Variants in NFIB observed in about 807,000 individuals in gnomAD.
The protein encoded by NFIB is nuclear factor 1 B-type.
NFIB carries 11 observed loss-of-function variants against 61.5 expected under a neutral mutation model. That is an observed-to-expected ratio of 0.18 (90% CI 0.11 to 0.30). The LOEUF is 0.30. Among genes scored for constraint, NFIB ranks in the 10% least tolerant of loss-of-function variants. NFIB has a pLI of 1.00. For missense variants in NFIB, 471 were observed against 608.9 expected, an observed-to-expected ratio of 0.77 and a Z score of 2.38; for synonymous variants, 260 against 216.5, an observed-to-expected ratio of 1.20 and a Z score of -1.76.
At chr9:14,432,485 T>G in the NFIB span, among the ~76,000 whole-genome samples, 1 of 152,264 alleles carries the variant, frequency 6.6e-6, no homozygotes, top group African/African-American at 2.4e-5. Context: ...ATCTCCTTCT[T>G]CAAATGAGAA....
chr9:14,314,967 G>A (rs1440596308), upstream of NFIB, among the ~76,000 whole-genome samples: 3 of 151,924 alleles, frequency 2.0e-5, no homozygotes, highest in African/African-American at 7.3e-5. Flanking sequence ...GCCCGAGAAA[G>A]GAACGAGTGG....
Position 14,111,407 on chromosome 9 carries a change from A to T in NFIB, c.1467+1592T>A, listed in dbSNP as rs2037358236. 3.3e-5 allele frequency among the ~76,000 whole-genome samples: 5 copies of T among 152,164 alleles called. No individual in the cohort carries two copies. The South Asian group carries it at 1.0e-3, about 31-fold the overall frequency. ...AATTGGTCAGAGTATTCTAACTAGC[A>T]TTTGGGGCTAAAGGTTTAAATAATG... On this transcript the variant is annotated intron_variant, in intron 10 of 10. Transcript: ENST00000380953.
At chr9:14,092,486 A>T (rs1027578317) in intron 10 of NFIB, among the ~76,000 whole-genome samples, 2 of 152,100 alleles carry the variant, frequency 1.3e-5, no homozygotes, top group East Asian at 3.9e-4. Context: ...CTCAGTTATG[A>T]CTCAGATCTG....
At chr9:14,294,981 T>C (rs17213362) in intron 2 of NFIB, among the ~76,000 whole-genome samples, 2 of 152,044 alleles carry the variant, frequency 1.3e-5, no homozygotes, top group East Asian at 1.9e-4. Context: ...CAACCAGAGC[T>C]ACTGAAGTCA....
At chr9:14,205,337 A>G (rs987139693) in intron 2 of NFIB, among the ~76,000 whole-genome samples, 2 of 146,560 alleles carry the variant, frequency 1.4e-5, no homozygotes, top group African/African-American at 2.5e-5. Context: ...TGATGGAGAC[A>G]CTGCATGGAA....
intron 10 of NFIB, among the ~76,000 whole-genome samples, chr9:14,092,617 C>T (rs2034107753): frequency 6.6e-6 from 1 of 152,060 alleles, no homozygotes; most frequent in African/African-American, 2.4e-5. Flanking sequence ...CTTCAGGAGA[C>T]AGTGAACTTT....
chr9:14,094,879 A>G (rs1475099883), intron 10 of NFIB, among the ~76,000 whole-genome samples: 1 of 152,120 alleles, frequency 6.6e-6, no homozygotes, highest in Non-Finnish European at 1.5e-5. Context: ...TTTATATTCA[A>G]TTGATTCAGA....
chr9:14,131,500 A>T (rs550575394), intron 6 of NFIB, among the ~76,000 whole-genome samples: 1 of 152,320 alleles, frequency 6.6e-6, no homozygotes, highest in East Asian at 1.9e-4. Flanking sequence ...TTCATCTACA[A>T]AGGAAGAGAG....
chr9:14,441,596 C>CT, the NFIB span, among the ~76,000 whole-genome samples: 32 of 149,474 alleles, frequency 2.1e-4, no homozygotes, highest in South Asian at 1.1e-3. Context: ...TCTTCTTCCT[C>CT]TTTTTTTTTT....
chr9:14,331,017 G>A (rs139822857), intron 1 of NFIB, among the ~76,000 whole-genome samples: 7 of 152,186 alleles, frequency 4.6e-5, no homozygotes, highest in East Asian at 3.9e-4. Flanking sequence ...CCTACCAGCC[G>A]GATCTTCTCT....
At chr9:14,292,536 A>G (rs2059171823) in intron 2 of NFIB, among the ~76,000 whole-genome samples, 1 of 152,210 alleles carries the variant, frequency 6.6e-6, no homozygotes, top group Non-Finnish European at 1.5e-5. Flanking sequence ...AGATAACCAG[A>G]AACCAAATTC....
the NFIB span, among the ~76,000 whole-genome samples, chr9:14,509,969 T>C: frequency 6.6e-6 from 1 of 152,194 alleles, no homozygotes; most frequent in Non-Finnish European, 1.5e-5. Context: ...CAATCTTGGC[T>C]CACTGCAACC....
At position 14,257,831 on chromosome 9, in the gene NFIB, G is replaced by T. The variant is rs904014772; in HGVS notation, c.562+49158C>A. ...ATAATGTGCCAGCTATGGTTTCCTT[G>T]TCATTGAATTTATTAATATAAGTAG... On this transcript the variant is annotated intron_variant, in intron 2 of 10. Coordinates refer to ENST00000380953, the MANE Select transcript of NFIB (RefSeq NM_001190737.2). Among the ~76,000 whole-genome samples the T allele has an allele frequency of 2.6e-5, 4 of 152,122 alleles. No homozygotes were observed. In the East Asian group the frequency reaches 7.7e-4, roughly 29 times the overall value.
intron 10 of NFIB, among the ~76,000 whole-genome samples, chr9:14,105,066 T>G (rs2036356355): frequency 6.6e-6 from 1 of 152,194 alleles, no homozygotes; most frequent in African/African-American, 2.4e-5. Flanking sequence ...GTTTTTTTGT[T>G]GTTAATGTTG....
At position 14,313,762 on chromosome 9, in the gene NFIB, G is replaced by C. The variant is rs1344488334; in HGVS notation, c.-251C>G. On this transcript the variant is annotated 5_prime_UTR_variant, in exon 1 of 11. Transcript: ENST00000380953. This position sits in a 1 kb window ranked among gnomAD's most constrained non-coding sequence, Gnocchi z 4.5. Reference sequence around the variant, plus strand: ...CACTTTTAACCCTCTTGCAGTCCGAGCGCGCTGGCCGTGCTTGCCGAGGCC... The same window carrying C: ...CACTTTTAACCCTCTTGCAGTCCGACCGCGCTGGCCGTGCTTGCCGAGGCC... The C allele has an allele frequency of 7.4e-7, 1 of 1,352,034 alleles. No individual in the cohort carries two copies. The highest frequency in any genetic ancestry group is 9.5e-7 in the Non-Finnish European group (1 of 1,052,580). The allele number at this position is 1,352,034 out of a possible 1,614,324, so 83.8% of individuals were successfully genotyped here.
At chr9:14,299,519 A>G (rs540638522) in intron 2 of NFIB, among the ~76,000 whole-genome samples, 1 of 152,226 alleles carries the variant, frequency 6.6e-6, no homozygotes, top group South Asian at 2.1e-4. Context: ...CTTAAAGGTA[A>G]TTCTTATTTT....
intron 1 of NFIB, among the ~76,000 whole-genome samples, chr9:14,322,614 G>A (rs969275098): frequency 3.3e-5 from 5 of 152,054 alleles, no homozygotes; most frequent in African/African-American, 1.2e-4. Context: ...GCCTGGGCGC[G>A]CGGGAAGCGC....
chr9:14,105,935 G>A (rs1391243445), intron 10 of NFIB, among the ~76,000 whole-genome samples: 1 of 151,978 alleles, frequency 6.6e-6, no homozygotes, highest in Non-Finnish European at 1.5e-5. Flanking sequence ...CTTAGTTTCT[G>A]TCCTGTGACA....
chr9:14,145,133 G>C (rs1051658131), intron 6 of NFIB, among the ~76,000 whole-genome samples: 9 of 152,034 alleles, frequency 5.9e-5, no homozygotes, highest in Non-Finnish European at 1.3e-4. Flanking sequence ...CGTCTGAGGG[G>C]GGGGTCTCAC....
Sources: allele counts gnomAD v4.1 joint callset (sites outside exome capture counted in the v4.1 genomes callset), GRCh38; gene constraint gnomAD v4.1.1; non-coding constraint Gnocchi (gnomAD v3.1); transcripts MANE v1.5; gene names NCBI Gene and HGNC (gene_info 2026-07-23, HGNC 2026-07-21).